DNMBP: variants seen among roughly 807,000 people sequenced by gnomAD.
DNMBP encodes the protein dynamin binding protein.
In DNMBP, 87 loss-of-function variants were observed where a neutral mutation model predicts 150.0. The observed-to-expected ratio is 0.58, with a 90% CI of 0.49 to 0.69. DNMBP has a LOEUF of 0.69. Ranked by LOEUF, DNMBP falls within the 30% of genes least tolerant of loss-of-function variation. DNMBP has a pLI of 0.00. For synonymous variants in DNMBP, 711 were observed against 750.4 expected (o/e 0.95, Z 0.86); for missense variants, 1,774 against 1,949.0 (o/e 0.91, Z 1.69).
At position 99,909,037 on chromosome 10, in the gene DNMBP, T is replaced by G; in HGVS notation, c.2370A>C (p.Glu790Asp). 6.2e-7 allele frequency: 1 copy of G among 1,614,242 alleles called. No individual in the cohort carries two copies. The highest frequency in any genetic ancestry group is 2.2e-5 in the East Asian group (1 of 44,890). The change falls in exon 5 of 17, where the codon GAA (glutamate) becomes GAC (aspartate). Residue 790 changes from glutamate (E) to aspartate (D), a missense_variant. By Grantham distance (45) the Glu-to-Asp change is conservative (BLOSUM62 2). Around this residue, in one of 2 missense-constraint regions of DNMBP, gnomAD observed 1,430 missense variants for 1,492.5 expected, o/e 0.96. Transcript: ENST00000324109. ...RMLEKRAKVIEELLQTERDYI... is the reference protein window; with the variant it reads ...RMLEKRAKVIDELLQTERDYI... ...AGTCTCTTTCTGTCTGAAGAAGTTC[T>G]TCTATGACCTTGGCTCTCTTCTCCA...
At chr10:99,961,663 A>G (rs2040567118) in intron 3 of DNMBP, among the ~76,000 whole-genome samples, 1 of 152,184 alleles carries the variant, frequency 6.6e-6, no homozygotes, top group Non-Finnish European at 1.5e-5. Context: ...AAGTCTACCA[A>G]TTGATTCATG....
intron 1 of DNMBP, among the ~76,000 whole-genome samples, chr10:99,978,788 T>C (rs1383658342): frequency 6.6e-6 from 1 of 152,180 alleles, no homozygotes; most frequent in African/African-American, 2.4e-5. Context: ...CCCAGGCTGG[T>C]GGTCTTGAAC....
At position 100,001,413 on chromosome 10, in the gene DNMBP, G is replaced by GTTTTT. The variant is rs531398004; in HGVS notation, c.-11+8420_-11+8424dup. Among the ~76,000 whole-genome samples the GTTTTT allele has an allele frequency of 4.0e-4, 44 of 111,204 alleles. 1 individual carries two copies. Among genetic ancestry groups the GTTTTT allele is most frequent in the South Asian group, 1.9e-3 (6 of 3,180 alleles). The allele number at this position is 111,204 out of a possible 152,430, so 73.0% of individuals were successfully genotyped here. On this transcript the variant is annotated intron_variant, in intron 1 of 16. Coordinates refer to ENST00000324109, the MANE Select transcript of DNMBP (RefSeq NM_015221.4). ...ATTGTGATGGGGTTTTGTTGTTGTT[G>GTTTTT]TTTTTTTTTTTTTTTTGAGACAGGG...
chr10:99,971,075 C>CAAAGGAT (rs1225266994), intron 2 of DNMBP, among the ~76,000 whole-genome samples: 1 of 145,838 alleles, frequency 6.9e-6, no homozygotes, highest in Non-Finnish European at 1.5e-5. Context: ...GCACTGAACA[C>CAAAGGAT]AAAGGATAAA....
At position 99,915,109 on chromosome 10, in the gene DNMBP, ATAT is replaced by A. The variant is rs1466205792; in HGVS notation, c.2261-5966_2261-5964del. Among the ~76,000 whole-genome samples the A allele has an allele frequency of 1.4e-3, 77 of 53,812 alleles. 1 individual carries two copies. Among genetic ancestry groups the A allele is most frequent in the African/African-American group, 3.8e-3 (51 of 13,290 alleles). The allele number at this position is 53,812 out of a possible 152,430, so 35.3% of individuals were successfully genotyped here. ...AACTCTGTCTCAAAAAAAAAAAAAA[ATAT>A]ATATATATATATATATACACACACA... is the stretch of plus-strand genomic sequence containing the variant. On this transcript the variant is annotated intron_variant, in intron 4 of 16. Coordinates refer to ENST00000324109, the MANE Select transcript of DNMBP (RefSeq NM_015221.4).
In DNMBP at chr10:99,962,491, T is replaced by C. The variant is rs186725851; in HGVS notation, c.269-5286A>G. The stretch of plus-strand genomic sequence containing the variant: ...CTAAAATTACAAAACGTTAGCCGGG[T>C]GTGGTGGCGGGCGCCTGTAGTCCCA... On this transcript the variant is annotated intron_variant, in intron 3 of 16. Transcript: ENST00000324109. 8.9e-3 allele frequency among the ~76,000 whole-genome samples: 1,348 copies of C among 151,828 alleles called. 23 individuals are homozygous for C. Among genetic ancestry groups the C allele is most frequent in the African/African-American group, 0.031 (1,290 of 41,414 alleles).
rs948581419 is a variant in DNMBP at position 99,881,840 on chromosome 10, G to T, written c.3998-1479C>A. On this transcript the variant is annotated intron_variant, in intron 15 of 16. Coordinates refer to ENST00000324109, the MANE Select transcript of DNMBP (RefSeq NM_015221.4). ...GATGCTTTTAAAGAAACCAAGAAAT[G>T]TGACATTTTTCAGTTCTGGGTGGTG... Among the ~76,000 whole-genome samples the T allele has an allele frequency of 2.0e-5, 3 of 152,222 alleles. No homozygotes were observed. In the East Asian group the frequency reaches 5.8e-4, roughly 29 times the overall value.
intron 1 of DNMBP, among the ~76,000 whole-genome samples, chr10:100,005,812 C>T (rs1249508787): frequency 7.4e-6 from 1 of 134,584 alleles, no homozygotes; most frequent in Non-Finnish European, 1.6e-5. Context: ...AAATGAATTA[C>T]AGCATTATAA....
chr10:99,878,011 C>G (rs1236085716), intron 16 of DNMBP, among the ~76,000 whole-genome samples: 1 of 152,140 alleles, frequency 6.6e-6, no homozygotes, highest in Non-Finnish European at 1.5e-5. Flanking sequence ...CCCAGCTACT[C>G]CAGAGGTTGT....
At chr10:99,999,048 T>C (rs2040982887) in intron 1 of DNMBP, among the ~76,000 whole-genome samples, 1 of 152,242 alleles carries the variant, frequency 6.6e-6, no homozygotes, top group South Asian at 2.1e-4. Context: ...CAGCTGTCAG[T>C]GCAGAATCCA....
intron 11 of DNMBP, among the ~76,000 whole-genome samples, chr10:99,892,065 G>A (rs1324666337): frequency 2.2e-5 from 3 of 136,684 alleles, no homozygotes; most frequent in South Asian, 4.5e-4. Context: ...CTCCCCGCCC[G>A]GCCAGCCACC....
Position 99,886,481 on chromosome 10 carries a change from G to A in DNMBP, c.3437C>T (p.Thr1146Ile), listed in dbSNP as rs766727741. Residue 1146 changes from threonine (T) to isoleucine (I), a missense_variant, in exon 13 of 17, where the codon ACC becomes ATC. Physicochemically the swap from Thr to Ile is moderately conservative, Grantham distance 89 (BLOSUM62 -1). Transcript: ENST00000324109. ...ERAEKLKDKK[T>I]LEELQSARNN... ...CCGGGCCGACTGCAGCTCCTCCAGGGTCTTCTTGTCCTTTAGCTTTTCTGC... is the reference window on the plus strand; with the variant it reads ...CCGGGCCGACTGCAGCTCCTCCAGGATCTTCTTGTCCTTTAGCTTTTCTGC... The A allele has an allele frequency of 1.2e-6, 2 of 1,614,060 alleles. No individual in the cohort carries two copies. Among genetic ancestry groups the A allele is most frequent in the African/African-American group, 2.7e-5 (2 of 74,934 alleles).
At chr10:99,928,787 G>C (rs2040110921) in intron 4 of DNMBP, among the ~76,000 whole-genome samples, 1 of 151,890 alleles carries the variant, frequency 6.6e-6, no homozygotes, top group African/African-American at 2.4e-5. Flanking sequence ...AACAAATCAG[G>C]GCTACTCTGG....
intron 3 of DNMBP, among the ~76,000 whole-genome samples, chr10:99,958,637 G>T (rs2040526145): frequency 6.6e-6 from 1 of 152,194 alleles, no homozygotes; most frequent in African/African-American, 2.4e-5. Context: ...CATGGGCTTG[G>T]CAGCTTTCCC....
intron 12 of DNMBP, among the ~76,000 whole-genome samples, chr10:99,887,884 G>T (rs1275397571): frequency 6.6e-6 from 1 of 152,148 alleles, no homozygotes; most frequent in African/African-American, 2.4e-5. Context: ...GAGTACAATG[G>T]CATGATCTCG....
At position 99,898,250 on chromosome 10, in the gene DNMBP, A is replaced by G; in HGVS notation, c.2756T>C (p.Leu919Pro). The stretch of plus-strand genomic sequence containing the variant: ...CATTACTCTCTGTACTGGTTTGATG[A>G]GGAAGGAGCCCAGGTTAATATAATT... ...CTNYINLGSF[L>P]IKPVQRVMRY... The change falls in exon 9 of 17, where the codon CTC (leucine) becomes CCC (proline). Residue 919 changes from leucine to proline, a missense_variant. Coordinates refer to ENST00000324109, the MANE Select transcript of DNMBP (RefSeq NM_015221.4). The G allele has an allele frequency of 6.2e-7, 1 of 1,614,090 alleles. No homozygotes were observed. The highest frequency in any genetic ancestry group is 8.5e-7 in the Non-Finnish European group (1 of 1,179,968).
At chr10:99,919,268 A>G (rs894342623) in intron 4 of DNMBP, among the ~76,000 whole-genome samples, 3 of 152,168 alleles carry the variant, frequency 2.0e-5, no homozygotes, top group Non-Finnish European at 4.4e-5. Context: ...AAGCATGGCC[A>G]TTTCCTGCAT....
At chr10:99,928,423 C>T (rs373238091) in intron 4 of DNMBP, among the ~76,000 whole-genome samples, 34 of 152,286 alleles carry the variant, frequency 2.2e-4, no homozygotes, top group African/African-American at 8.2e-4. Flanking sequence ...CCTTTATCCT[C>T]TGGTCACAGC....
intron 1 of DNMBP, among the ~76,000 whole-genome samples, chr10:100,005,583 G>A (rs115555741): frequency 1.6e-4 from 25 of 151,964 alleles, no homozygotes; most frequent in Non-Finnish European, 2.9e-4. Flanking sequence ...GTGAAACCCC[G>A]TCTCTACTAA....
Sources: gnomAD v4.1 joint callset for allele counts (sites outside exome capture counted in the v4.1 genomes callset) on GRCh38, gnomAD v4.1.1 for gene constraint, gnomAD v4.1.1 regional missense constraint, MANE v1.5 for transcripts, NCBI Gene and HGNC (gene_info 2026-07-23, HGNC 2026-07-21) for gene names.